The following PLCB4 variants were observed in gnomAD, a reference collection of about 807,000 sequenced individuals.
PLCB4 encodes the protein 1-phosphatidylinositol 4,5-bisphosphate phosphodiesterase beta-4.
PLCB4 carries 77 observed loss-of-function variants against 178.8 expected under a neutral mutation model. The observed-to-expected ratio is 0.43, with a 90% CI of 0.36 to 0.52. The LOEUF (loss-of-function observed/expected upper bound fraction) is 0.52, where lower values mean the gene tolerates loss of function less well. Among genes scored for constraint, PLCB4 ranks in the 20% least tolerant of loss-of-function variants. The pLI, the probability that PLCB4 is intolerant of heterozygous loss-of-function variation, is 0.00. For missense variants in PLCB4, 1,024 were observed against 1,453.4 expected, an observed-to-expected ratio of 0.70 and a Z score of 4.80; for synonymous variants, 496 against 490.8, an observed-to-expected ratio of 1.01 and a Z score of -0.14.
In PLCB4 at chr20:9,290,343, A is replaced by G. The variant is rs138824605; in HGVS notation, c.-15-17457A>G. Among the ~76,000 whole-genome samples, 369 of 152,228 alleles carry G rather than the reference A, an allele frequency of 2.4e-3. 1 individual carries two copies. Among genetic ancestry groups the G allele is most frequent in the African/African-American group, 8.4e-3 (350 of 41,560 alleles). On this transcript the variant is annotated intron_variant, in intron 3 of 39. Coordinates refer to ENST00000378473, the MANE Select transcript of PLCB4 (RefSeq NM_001377142.1). ...CTCTCTTTTTCCCCAGCCTGCGGATATGGTTTGAATTAGAAGTTAAAGAAA... is the reference window on the plus strand; with the variant it reads ...CTCTCTTTTTCCCCAGCCTGCGGATGTGGTTTGAATTAGAAGTTAAAGAAA...
At chr20:9,471,009 C>T (rs1015799416) in intron 36 of PLCB4, among the ~76,000 whole-genome samples, 6 of 152,110 alleles carry the variant, frequency 3.9e-5, no homozygotes, top group African/African-American at 1.4e-4. Context: ...AAAAATTTGT[C>T]ATAGCACTAA....
intron 28 of PLCB4, among the ~76,000 whole-genome samples, chr20:9,426,713 A>C (rs560841879): frequency 1.5e-4 from 23 of 152,234 alleles, no homozygotes; most frequent in African/African-American, 5.5e-4. Context: ...AAATCTTACT[A>C]TACTGCTAAT....
chr20:9,238,386 T>A (rs1291767276), intron 3 of PLCB4, among the ~76,000 whole-genome samples: 1 of 152,064 alleles, frequency 6.6e-6, no homozygotes, highest in Non-Finnish European at 1.5e-5. Context: ...GTGTGCACTG[T>A]GGAGGAGGAA....
chr20:9,363,885 A>C (rs1227897455), intron 8 of PLCB4, among the ~76,000 whole-genome samples: 1 of 152,188 alleles, frequency 6.6e-6, no homozygotes, highest in Admixed American at 6.5e-5. Context: ...GTTAGTCCTA[A>C]AGGTACTGTC....
At chr20:9,250,262 A>G (rs1283291305) in intron 3 of PLCB4, among the ~76,000 whole-genome samples, 1 of 152,204 alleles carries the variant, frequency 6.6e-6, no homozygotes, top group Non-Finnish European at 1.5e-5. Flanking sequence ...TCTGTGATGG[A>G]TGCCCTGTGC....
chr20:9,333,634 T>G (rs1467292523), intron 4 of PLCB4, among the ~76,000 whole-genome samples: 1 of 152,126 alleles, frequency 6.6e-6, no homozygotes, highest in African/African-American at 2.4e-5. Context: ...AATAAATTCA[T>G]TCAAAGTTTA....
intron 3 of PLCB4, among the ~76,000 whole-genome samples, chr20:9,291,710 T>A (rs1020220891): frequency 1.3e-5 from 2 of 152,192 alleles, no homozygotes; most frequent in Admixed American, 6.6e-5. Context: ...CATAAGGAGA[T>A]AAATGACCTT....
At chr20:9,118,477 ATAT>A (rs1177427721) in intron 2 of PLCB4, among the ~76,000 whole-genome samples, 5 of 152,174 alleles carry the variant, frequency 3.3e-5, no homozygotes, top group African/African-American at 7.2e-5. Context: ...CATATCTAAA[ATAT>A]TATTTTCATG....
chr20:9,476,224 G>C lies in PLCB4; in HGVS notation c.3496-493G>C, dbSNP rs963145184. 1.1e-4 allele frequency among the ~76,000 whole-genome samples: 16 copies of C among 152,168 alleles called. 1 individual carries two copies. Among genetic ancestry groups the C allele is most frequent in the Admixed American group, 8.5e-4 (13 of 15,268 alleles). ...TATTTGTAAGCCACTTTATGTCCTT[G>C]CCTACTTGGTCAGCCAACTATTCAC... On this transcript the variant is annotated intron_variant, in intron 38 of 39. Coordinates refer to ENST00000378473, the MANE Select transcript of PLCB4 (RefSeq NM_001377142.1).
At chr20:9,137,067 C>G (rs189553463) in intron 2 of PLCB4, among the ~76,000 whole-genome samples, 1 of 152,040 alleles carries the variant, frequency 6.6e-6, no homozygotes, top group Non-Finnish European at 1.5e-5. Context: ...AAGCCACAGT[C>G]GACCAGGAAG....
chr20:9,306,994 G>C (rs2147866248), intron 3 of PLCB4, among the ~76,000 whole-genome samples: 1 of 152,218 alleles, frequency 6.6e-6, no homozygotes, highest in South Asian at 2.1e-4. Context: ...GGTTTCATTG[G>C]GTAAAAAGGA....
At chr20:9,124,900 AT>A (rs1432453066) in intron 2 of PLCB4, among the ~76,000 whole-genome samples, 1 of 152,194 alleles carries the variant, frequency 6.6e-6, no homozygotes, top group East Asian at 1.9e-4. Context: ...CCTGTATTGT[AT>A]TTTAAAAAGT....
At chr20:9,106,858 C>G (rs925809237) in intron 2 of PLCB4, among the ~76,000 whole-genome samples, 2 of 152,088 alleles carry the variant, frequency 1.3e-5, no homozygotes, top group African/African-American at 4.8e-5. Context: ...ATTATTTATC[C>G]TAACATCTTT....
At chr20:9,441,970 C>T (rs2042136108) in intron 30 of PLCB4, among the ~76,000 whole-genome samples, 1 of 151,910 alleles carries the variant, frequency 6.6e-6, no homozygotes, top group South Asian at 2.1e-4. Context: ...TCCTAACTTC[C>T]AGATTAGCAA....
At chr20:9,372,203 G>A (rs1465498774) in intron 10 of PLCB4, 100 bp from the exon 11 acceptor site, 5 of 666,562 alleles carry the variant, frequency 7.5e-6, no homozygotes, top group African/African-American at 5.5e-5. Context: ...TGAAGACCCT[G>A]AGTCCAAGTG....
intron 2 of PLCB4, among the ~76,000 whole-genome samples, chr20:9,207,425 G>A (rs994290987): frequency 3.9e-5 from 6 of 152,150 alleles, no homozygotes; most frequent in Admixed American, 2.0e-4. Context: ...CAACCTAGTC[G>A]TGCAAATGAG....
intron 2 of PLCB4, among the ~76,000 whole-genome samples, chr20:9,204,072 G>T (rs1260042936): frequency 2.0e-5 from 3 of 151,454 alleles, no homozygotes; most frequent in Admixed American, 6.6e-5. Flanking sequence ...AACCCATAAG[G>T]CTTTCTTATT....
chr20:9,189,849 A>T (rs2093378063), intron 2 of PLCB4, among the ~76,000 whole-genome samples: 1 of 152,152 alleles, frequency 6.6e-6, no homozygotes, highest in Non-Finnish European at 1.5e-5. Context: ...TAATGAGGAT[A>T]GACCCATCAT....
chr20:9,189,478 G>C (rs150499163), intron 2 of PLCB4, among the ~76,000 whole-genome samples: 1 of 148,700 alleles, frequency 6.7e-6, no homozygotes, highest in African/African-American at 2.5e-5. Context: ...GTGGAGGGCT[G>C]TCATATAGTG....
Sources: allele counts gnomAD v4.1 joint callset (sites outside exome capture counted in the v4.1 genomes callset), GRCh38; gene constraint gnomAD v4.1.1; transcripts MANE v1.5; gene names NCBI Gene and HGNC (gene_info 2026-07-23, HGNC 2026-07-21).